APBB1IP: variants seen among roughly 807,000 people sequenced by gnomAD.
APBB1IP encodes amyloid beta A4 precursor protein-binding family B member 1-interacting protein.
In APBB1IP, 27 loss-of-function variants were observed where a neutral mutation model predicts 64.9. That is an observed-to-expected ratio of 0.42 (90% CI 0.31 to 0.57). The LOEUF (loss-of-function observed/expected upper bound fraction) is 0.57. APBB1IP is among the 20% of genes least tolerant of loss of function. The probability of loss-of-function intolerance (pLI) is 0.20; values close to 1 mark genes in which losing one functional copy is unlikely to be tolerated. For synonymous variants in APBB1IP, 392 were observed against 331.0 expected (o/e 1.18, Z -2.00); for missense variants, 812 against 845.5 (o/e 0.96, Z 0.49).
intron 6 of APBB1IP, among the ~76,000 whole-genome samples, chr10:26,511,345 A>AAAT (rs920362792): frequency 2.6e-5 from 4 of 152,094 alleles, no homozygotes; most frequent in African/African-American, 7.2e-5. Flanking sequence ...ATCCATCTCA[A>AAAT]AATAATAATA....
In APBB1IP at chr10:26,438,463, G is replaced by GGGGATAACAGAGGA. The variant is rs34995074; in HGVS notation, c.-203+8_-203+9insGGGATAACAGAGGA. On this transcript the variant is annotated intron_variant, in intron 1 of 14. Transcript: ENST00000376236. Reference sequence around the variant, plus strand: ...AGGGCGCGCGCGGCACAGGTAGGGGGAGGCGCAACGTTTCCCAGAATTAAA... The same window carrying GGGGATAACAGAGGA: ...AGGGCGCGCGCGGCACAGGTAGGGGGGGGATAACAGAGGAAGGCGCAACGTTTCCCAGAATTAAA... 6.6e-6 allele frequency: 1 copy of GGGGATAACAGAGGA among 151,110 alleles called. No homozygotes were observed. The highest frequency in any genetic ancestry group is 2.4e-5 in the African/African-American group (1 of 40,938). The allele number at this position is 151,110 out of a possible 1,614,324, so 9.4% of individuals were successfully genotyped here.
chr10:26,535,403 A>G (rs1260035010), intron 9 of APBB1IP, among the ~76,000 whole-genome samples: 1 of 152,182 alleles, frequency 6.6e-6, no homozygotes, highest in Admixed American at 6.5e-5. Flanking sequence ...ACCTAGTCGC[A>G]TCAGGGAGAA....
chr10:26,490,989 T>C (rs1835947898), intron 2 of APBB1IP, among the ~76,000 whole-genome samples: 1 of 152,150 alleles, frequency 6.6e-6, no homozygotes, highest in Admixed American at 6.5e-5. Context: ...TTTTGAAATG[T>C]CCTTAGAGGC....
intron 2 of APBB1IP, among the ~76,000 whole-genome samples, chr10:26,488,234 T>G (rs1180985336): frequency 6.9e-6 from 1 of 144,862 alleles, no homozygotes; most frequent in East Asian, 1.9e-4. Context: ...TCTGCCATTT[T>G]GTAGGAATTT....
chr10:26,522,683 T>C (rs1463465234), intron 8 of APBB1IP, among the ~76,000 whole-genome samples: 2 of 151,974 alleles, frequency 1.3e-5, no homozygotes, highest in Admixed American at 6.6e-5. Context: ...CATGGAAACC[T>C]TTTTTTATTA....
chr10:26,476,572 C>T (rs1470049972), intron 2 of APBB1IP, among the ~76,000 whole-genome samples: 2 of 151,708 alleles, frequency 1.3e-5, no homozygotes, highest in African/African-American at 4.8e-5. Flanking sequence ...AAGATTCACT[C>T]ATTATTTACA....
intron 8 of APBB1IP, 92 bp from the exon 9 acceptor site, chr10:26,533,347 A>T: frequency 1.4e-6 from 1 of 697,558 alleles, no homozygotes; most frequent in Non-Finnish European, 2.2e-6. Context: ...TCACACACTT[A>T]ACATCTTCTT....
chr10:26,526,720 AAAT>A (rs140315723), intron 8 of APBB1IP, among the ~76,000 whole-genome samples: 23,988 of 151,464 alleles, frequency 0.16, 1,946 homozygotes, highest in Middle Eastern at 0.19. Flanking sequence ...CTCTGTCTCA[AAAT>A]AATAATAATA....
chr10:26,515,518 G>A (rs183615528), intron 8 of APBB1IP, among the ~76,000 whole-genome samples: 4 of 152,174 alleles, frequency 2.6e-5, no homozygotes, highest in African/African-American at 9.7e-5. Context: ...GACAAATGTA[G>A]TGTCTATCTG....
Position 26,567,408 on chromosome 10 carries a change from G to C in APBB1IP, c.1921G>C (p.Gly641Arg). 6.2e-7 allele frequency: 1 copy of C among 1,602,212 alleles called. No individual in the cohort carries two copies. Among genetic ancestry groups the C allele is most frequent in the Non-Finnish European group, 8.5e-7 (1 of 1,172,560 alleles). ...GAGGCAAGAGAACCCAGGGCACCCC[G>C]GCGGAGCAGGAGGCGGGGAGCAAGA... ...PKRQENPGHP[G>R]GAGGGEQDFM... is the part of the protein sequence containing the mutation. The change falls in exon 15 of 15, where the codon GGC becomes CGC. Residue 641 changes from glycine to arginine, a missense_variant. Coordinates refer to ENST00000376236, the MANE Select transcript of APBB1IP (RefSeq NM_019043.4).
chr10:26,535,669 A>G (rs1342702435), intron 9 of APBB1IP, among the ~76,000 whole-genome samples: 1 of 152,192 alleles, frequency 6.6e-6, no homozygotes, highest in Non-Finnish European at 1.5e-5. Flanking sequence ...ACTTATCAGG[A>G]AAGTAATAAT....
intron 2 of APBB1IP, among the ~76,000 whole-genome samples, chr10:26,460,785 A>G (rs1162048016): frequency 2.0e-5 from 3 of 152,060 alleles, no homozygotes; most frequent in Non-Finnish European, 2.9e-5. Context: ...AACAACACAC[A>G]CCTGTCAGAG....
intron 7 of APBB1IP, 95 bp downstream of exon 7, chr10:26,512,001 T>C: frequency 2.2e-6 from 3 of 1,371,896 alleles, no homozygotes; most frequent in Middle Eastern, 4.1e-4. Flanking sequence ...TCTTTAATTT[T>C]ATATAAAAAA....
chr10:26,506,240 C>CGTGT (rs749032786), intron 6 of APBB1IP, among the ~76,000 whole-genome samples: 2 of 45,640 alleles, frequency 4.4e-5, no homozygotes, highest in East Asian at 1.4e-3. Context: ...TTAACACTAC[C>CGTGT]GTGTGTGTGT....
intron 4 of APBB1IP, among the ~76,000 whole-genome samples, chr10:26,500,136 G>T (rs2132436741): frequency 6.6e-6 from 1 of 151,600 alleles, no homozygotes; most frequent in South Asian, 2.1e-4. Flanking sequence ...GCTTGAGCCT[G>T]GGAGGCAGAG....
chr10:26,472,038 G>A (rs963912965), intron 2 of APBB1IP, among the ~76,000 whole-genome samples: 6 of 152,110 alleles, frequency 3.9e-5, no homozygotes, highest in Non-Finnish European at 5.9e-5. Flanking sequence ...TTTACTAACA[G>A]CTCTAATCCT....
At chr10:26,495,935 A>AAT (rs1262879317) in intron 3 of APBB1IP, among the ~76,000 whole-genome samples, 3 of 140,764 alleles carry the variant, frequency 2.1e-5, no homozygotes, top group Non-Finnish European at 4.5e-5. Context: ...ATATATATTT[A>AAT]ATATATATAA....
rs1351548181 is a variant in APBB1IP at position 26,498,521 on chromosome 10, A to G, written c.160+2130A>G. Among the ~76,000 whole-genome samples the G allele has an allele frequency of 2.0e-5, 3 of 152,180 alleles. No homozygotes were observed. The East Asian group carries it at 5.8e-4, about 29-fold the overall frequency. On this transcript the variant is annotated intron_variant, in intron 4 of 14. Transcript: ENST00000376236. Reference sequence around the variant, plus strand: ...AAGACTCTGTCAAATAAATAAATAAATGCTATACACTTTAGTAAAATTATG... The same window carrying G: ...AAGACTCTGTCAAATAAATAAATAAGTGCTATACACTTTAGTAAAATTATG...
At chr10:26,516,994 G>A (rs1836339920) in intron 8 of APBB1IP, among the ~76,000 whole-genome samples, 2 of 152,154 alleles carry the variant, frequency 1.3e-5, no homozygotes, top group Non-Finnish European at 2.9e-5. Flanking sequence ...CTGGTGATAA[G>A]GGCTATTTTC....
Sources: allele counts gnomAD v4.1 joint callset (sites outside exome capture counted in the v4.1 genomes callset), GRCh38; gene constraint gnomAD v4.1.1; transcripts MANE v1.5; gene names NCBI Gene and HGNC (gene_info 2026-07-23, HGNC 2026-07-21).